The following PTPRT variants were observed in gnomAD, a reference collection of about 807,000 sequenced individuals.
PTPRT encodes protein tyrosine phosphatase receptor type T, also known as receptor-type tyrosine-protein phosphatase T.
In PTPRT, 56 loss-of-function variants were observed where a neutral mutation model predicts 176.8. That is an observed-to-expected ratio of 0.32 (90% CI 0.26 to 0.40). PTPRT has a LOEUF of 0.40. PTPRT is among the 10% of genes least tolerant of loss of function. The probability of loss-of-function intolerance (pLI) is 1.00; values close to 1 mark genes in which losing one functional copy is unlikely to be tolerated. For missense variants in PTPRT, 1,540 were observed against 1,908.2 expected (o/e 0.81, Z 3.60); for synonymous variants, 783 against 739.0 (o/e 1.06, Z -0.96).
intron 7 of PTPRT, among the ~76,000 whole-genome samples, chr20:42,584,813 G>T (rs1277388138): frequency 6.6e-6 from 1 of 152,152 alleles, no homozygotes; most frequent in Non-Finnish European, 1.5e-5. Context: ...GTAAATGAAT[G>T]AATGAATTAA....
At chr20:42,497,883 C>CT (rs984170024) in intron 7 of PTPRT, among the ~76,000 whole-genome samples, 3 of 152,124 alleles carry the variant, frequency 2.0e-5, no homozygotes, top group Non-Finnish European at 2.9e-5. Flanking sequence ...CTTTTCTATT[C>CT]TTTTTTTATT....
chr20:42,999,645 G>A (rs1984436335), intron 1 of PTPRT, among the ~76,000 whole-genome samples: 1 of 151,544 alleles, frequency 6.6e-6, no homozygotes, highest in African/African-American at 2.4e-5. Flanking sequence ...GGTGGTTGTT[G>A]TTGTTGTTTT....
At chr20:42,938,738 T>A (rs936626561) in intron 1 of PTPRT, among the ~76,000 whole-genome samples, 2 of 152,172 alleles carry the variant, frequency 1.3e-5, no homozygotes, top group Non-Finnish European at 2.9e-5. Context: ...GTTATGCATG[T>A]TTTTGGTTTT....
At chr20:42,173,209 G>C (rs575914842) in intron 16 of PTPRT, among the ~76,000 whole-genome samples, 9 of 152,150 alleles carry the variant, frequency 5.9e-5, no homozygotes, top group Non-Finnish European at 1.2e-4. Context: ...CAAAGCATCA[G>C]TCTATGGACT....
rs150403742 is a variant in PTPRT, at chr20:43,090,564, A to G, written c.88+99082T>C. Reference sequence around the variant, plus strand: ...ATTCCAGTCGTGAGCCACCGCGCCCAGCCACAGGTGACTATTTTTGAAAAG... The same window carrying G: ...ATTCCAGTCGTGAGCCACCGCGCCCGGCCACAGGTGACTATTTTTGAAAAG... On this transcript the variant is annotated intron_variant, in intron 1 of 30. Coordinates refer to ENST00000373187, the MANE Select transcript of PTPRT (RefSeq NM_007050.6). Among the ~76,000 whole-genome samples, 715 of 152,260 alleles carry G rather than the reference A, an allele frequency of 4.7e-3. 3 individuals carry two copies. Among genetic ancestry groups the G allele is most frequent in the African/African-American group, 0.012 (482 of 41,572 alleles).
At chr20:42,392,225 T>C (rs1269827368) in intron 9 of PTPRT, among the ~76,000 whole-genome samples, 1 of 152,226 alleles carries the variant, frequency 6.6e-6, no homozygotes, top group African/African-American at 2.4e-5. Context: ...TTTCCTGCCC[T>C]ACCTTTTCTC....
intron 2 of PTPRT, 44 bp from the exon 3 acceptor site, chr20:42,791,510 G>A (rs926137004): frequency 3.2e-6 from 5 of 1,548,880 alleles, no homozygotes; most frequent in Non-Finnish European, 4.4e-6. Context: ...CAAAGAGAAA[G>A]TAAGAAAATC....
intron 7 of PTPRT, among the ~76,000 whole-genome samples, chr20:42,604,346 T>TACTGATGTTGG (rs2145800206): frequency 6.6e-6 from 1 of 152,322 alleles, no homozygotes; most frequent in South Asian, 2.1e-4. Context: ...TCATCTGAAT[T>TACTGATGTTGG]ACTGATGTTG....
chr20:42,593,189 A>G (rs994081367), intron 7 of PTPRT, among the ~76,000 whole-genome samples: 9 of 152,172 alleles, frequency 5.9e-5, no homozygotes, highest in Non-Finnish European at 8.8e-5. Flanking sequence ...GAATCACTGG[A>G]GGAGCAGGAT....
intron 5 of PTPRT, among the ~76,000 whole-genome samples, chr20:42,757,986 C>T (rs2145412025): frequency 6.6e-6 from 1 of 152,312 alleles, no homozygotes; most frequent in East Asian, 1.9e-4. Flanking sequence ...GAGTGTACAA[C>T]TGCTGCTCTT....
At chr20:42,389,486 A>G (rs1347712833) in intron 9 of PTPRT, among the ~76,000 whole-genome samples, 1 of 152,102 alleles carries the variant, frequency 6.6e-6, no homozygotes, top group East Asian at 1.9e-4. Flanking sequence ...CAGTGTTGGG[A>G]GGTGGGGCCT....
At chr20:42,783,558 A>T (rs2077245440) in intron 3 of PTPRT, among the ~76,000 whole-genome samples, 1 of 152,140 alleles carries the variant, frequency 6.6e-6, no homozygotes, top group Non-Finnish European at 1.5e-5. Flanking sequence ...TCACTCCATC[A>T]ATATGCTTCT....
Position 42,084,732 on chromosome 20 carries a change from C to A in PTPRT, c.4086G>T (p.Lys1362Asn). 1 of 1,569,836 alleles carries A rather than the reference C, an allele frequency of 6.4e-7. No homozygotes were observed. Residue 1362 changes from lysine to asparagine, a missense_variant, in exon 29 of 31, where the codon AAG becomes AAT. Transcript: ENST00000373187. ...SLLKVVRRLE[K>N]WQEQYDGREG... ...CCCTCCCGTCATACTGCTCCTGCCA[C>A]TTCTCCAGTCGTCGGACCACTTTGA...
At chr20:42,272,966 A>G (rs1467220476) in intron 13 of PTPRT, among the ~76,000 whole-genome samples, 1 of 152,120 alleles carries the variant, frequency 6.6e-6, no homozygotes, top group Non-Finnish European at 1.5e-5. Context: ...CTCTTCTTTC[A>G]AACCTTATCT....
chr20:42,729,925 C>T (rs778154685), intron 6 of PTPRT, among the ~76,000 whole-genome samples: 3 of 152,198 alleles, frequency 2.0e-5, no homozygotes, highest in Non-Finnish European at 4.4e-5. Context: ...CCACAGCTTC[C>T]AATGAAGCCA....
chr20:42,352,001 T>A, intron 10 of PTPRT, 83 bp downstream of exon 10: 4 of 1,373,942 alleles, frequency 2.9e-6, no homozygotes, highest in Non-Finnish European at 4.1e-6. Flanking sequence ...GGGTGACAAT[T>A]CAAGAAAAAT....
chr20:42,700,664 C>T (rs1157985281), intron 6 of PTPRT, among the ~76,000 whole-genome samples: 1 of 152,170 alleles, frequency 6.6e-6, no homozygotes, highest in East Asian at 1.9e-4. Context: ...TGTCAGAGCC[C>T]TGGGCTGGGA....
intron 6 of PTPRT, among the ~76,000 whole-genome samples, chr20:42,756,091 T>C (rs980155756): frequency 2.0e-5 from 3 of 152,064 alleles, no homozygotes; most frequent in African/African-American, 7.2e-5. Context: ...TAAAAAAAAA[T>C]CCCTCAGAAA....
intron 2 of PTPRT, among the ~76,000 whole-genome samples, chr20:42,852,269 A>T (rs915708509): frequency 7.2e-5 from 11 of 152,206 alleles, no homozygotes; most frequent in South Asian, 2.1e-4. Flanking sequence ...TTCCATTCAG[A>T]AACATGATAT....
Sources: allele counts gnomAD v4.1 joint callset (sites outside exome capture counted in the v4.1 genomes callset), GRCh38; gene constraint gnomAD v4.1.1; transcripts MANE v1.5; gene names NCBI Gene and HGNC (gene_info 2026-07-23, HGNC 2026-07-21).